HSD17B12: variants seen among roughly 807,000 people sequenced by gnomAD.
HSD17B12 encodes very-long-chain 3-oxoacyl-CoA reductase.
In HSD17B12, 32 loss-of-function variants were observed where a neutral mutation model predicts 39.3. That is an observed-to-expected ratio of 0.81 (90% CI 0.61 to 1.09). HSD17B12 has a LOEUF of 1.09. Among genes scored for constraint, HSD17B12 ranks in the 50% least tolerant of loss-of-function variants. The pLI, the probability that HSD17B12 is intolerant of heterozygous loss-of-function variation, is 0.00. For synonymous variants in HSD17B12, 150 were observed against 146.7 expected (o/e 1.02, Z -0.16); for missense variants, 342 against 382.9 (o/e 0.89, Z 0.89).
chr11:43,693,402 A>G (rs1464312348), intron 1 of HSD17B12, among the ~76,000 whole-genome samples: 1 of 152,220 alleles, frequency 6.6e-6, no homozygotes, highest in East Asian at 1.9e-4. Context: ...CTCTCTATAC[A>G]AGAGCCTAAA....
intron 3 of HSD17B12, among the ~76,000 whole-genome samples, chr11:43,766,521 A>G (rs538731141): frequency 7.9e-5 from 12 of 152,326 alleles, no homozygotes; most frequent in Admixed American, 5.2e-4. Context: ...CATGGCCAGA[A>G]GCAGAAGTCC....
chr11:43,623,969 G>A, the HSD17B12 span, among the ~76,000 whole-genome samples: 1 of 151,908 alleles, frequency 6.6e-6, no homozygotes, highest in Non-Finnish European at 1.5e-5. Context: ...AAAAACGATA[G>A]TCCTTCCAAG....
At chr11:43,804,986 G>A (rs1394827857) in intron 4 of HSD17B12, among the ~76,000 whole-genome samples, 2 of 152,140 alleles carry the variant, frequency 1.3e-5, no homozygotes, top group African/African-American at 4.8e-5. Flanking sequence ...GAGAAGCAAA[G>A]GAAGAGCAAT....
In HSD17B12 at chr11:43,734,113, C is replaced by T. The variant is rs544944359; in HGVS notation, c.161-16798C>T. On this transcript the variant is annotated intron_variant, in intron 1 of 10. Coordinates refer to ENST00000278353, the MANE Select transcript of HSD17B12 (RefSeq NM_016142.3). ...GAGGACTATGATGAGCGTGTGCTGC[C>T]GTCCATCACTACCAAATCAAGTCAG... The T allele has an allele frequency of 2.0e-5, 25 of 1,248,714 alleles. No homozygotes were observed. The South Asian group carries it at 2.7e-4, about 13-fold the overall frequency. 77.4% of individuals were successfully genotyped at this position (1,248,714 alleles called of 1,614,324 possible).
At chr11:43,839,334 G>GACCCTTC (rs1443203870) in intron 8 of HSD17B12, among the ~76,000 whole-genome samples, 2 of 152,094 alleles carry the variant, frequency 1.3e-5, no homozygotes, top group Non-Finnish European at 2.9e-5. Context: ...CATGTTTCTT[G>GACCCTTC]AAGGGATTCG....
chr11:43,626,996 G>C, the HSD17B12 span, among the ~76,000 whole-genome samples: 1 of 151,938 alleles, frequency 6.6e-6, no homozygotes, highest in Non-Finnish European at 1.5e-5. Context: ...GGTGCTGAAG[G>C]GTTACATGAC....
the HSD17B12 span, among the ~76,000 whole-genome samples, chr11:43,599,329 C>T: frequency 1.2e-4 from 18 of 152,286 alleles, no homozygotes; most frequent in Admixed American, 2.6e-4. Context: ...ACCCTTAGGA[C>T]TTAATCTCTC....
chr11:43,572,248 G>C, the HSD17B12 span, among the ~76,000 whole-genome samples: 3 of 152,188 alleles, frequency 2.0e-5, no homozygotes, highest in African/African-American at 7.2e-5. Context: ...TTTGGATGAG[G>C]CTAAACCAGC....
At chr11:43,694,191 C>T (rs971638884) in intron 1 of HSD17B12, among the ~76,000 whole-genome samples, 5 of 152,000 alleles carry the variant, frequency 3.3e-5, no homozygotes, top group Non-Finnish European at 5.9e-5. Context: ...TTGTTATTTC[C>T]ATGTAATATA....
In HSD17B12 at chr11:43,798,339, G is replaced by A; in HGVS notation, c.303G>A (p.Glu101=). ...CCCTAGAAGAAAAATTCAAAGTGGA[G>A]ACAAGAACCATTGCTGTTGACTTTG... ...SSEIKEKFKV[E]TRTIAVDFAS... Residue 101 remains glutamate, a synonymous_variant, in exon 4 of 11, where the codon GAG becomes GAA. Coordinates refer to ENST00000278353, the MANE Select transcript of HSD17B12 (RefSeq NM_016142.3). 1 of 1,610,414 alleles carries A rather than the reference G, an allele frequency of 6.2e-7. No individual in the cohort carries two copies.
chr11:43,737,045 A>G (rs1406968102), intron 1 of HSD17B12, among the ~76,000 whole-genome samples: 1 of 152,152 alleles, frequency 6.6e-6, no homozygotes, highest in African/African-American at 2.4e-5. Flanking sequence ...GGCAGCTGTC[A>G]TGGTTTGCGG....
At chr11:43,737,812 G>A (rs373581371) in intron 1 of HSD17B12, among the ~76,000 whole-genome samples, 3 of 152,168 alleles carry the variant, frequency 2.0e-5, no homozygotes, top group Non-Finnish European at 4.4e-5. Flanking sequence ...AGTGGCTCAC[G>A]CCTGTAATCC....
At chr11:43,575,256 G>C in the HSD17B12 span, among the ~76,000 whole-genome samples, 45 of 152,378 alleles carry the variant, frequency 3.0e-4, no homozygotes, top group African/African-American at 1.0e-3. The surrounding 1 kb of genome is among the most constrained non-coding windows in gnomAD (Gnocchi z 4.1). Flanking sequence ...GGCAGGATGC[G>C]TGGGCGCAGG....
At chr11:43,722,894 A>T (rs1008266417) in intron 1 of HSD17B12, among the ~76,000 whole-genome samples, 1 of 152,134 alleles carries the variant, frequency 6.6e-6, no homozygotes, top group African/African-American at 2.4e-5. Context: ...ATGGGAAGTC[A>T]CTGAAGGAAT....
At chr11:43,618,099 T>C in the HSD17B12 span, among the ~76,000 whole-genome samples, 1 of 152,322 alleles carries the variant, frequency 6.6e-6, no homozygotes, top group Non-Finnish European at 1.5e-5. Flanking sequence ...CTTTTTTCTC[T>C]GGTCACCACA....
chr11:43,690,846 G>T (rs1427739663), intron 1 of HSD17B12, among the ~76,000 whole-genome samples: 10 of 152,014 alleles, frequency 6.6e-5, no homozygotes, highest in Non-Finnish European at 4.4e-5. Flanking sequence ...CTGATTAAAT[G>T]GGGCTAACTG....
At chr11:43,823,414 G>A (rs955623191) in intron 6 of HSD17B12, among the ~76,000 whole-genome samples, 1 of 152,054 alleles carries the variant, frequency 6.6e-6, no homozygotes, top group South Asian at 2.1e-4. Flanking sequence ...AGGACTACAG[G>A]CATGCACCAC....
chr11:43,835,384 A>G (rs1210100897), intron 7 of HSD17B12, among the ~76,000 whole-genome samples: 1 of 152,172 alleles, frequency 6.6e-6, no homozygotes, highest in African/African-American at 2.4e-5. Context: ...CCGTTTCTAC[A>G]TAGAGAACAG....
At chr11:43,595,333 T>C in the HSD17B12 span, among the ~76,000 whole-genome samples, 11 of 152,258 alleles carry the variant, frequency 7.2e-5, no homozygotes, top group African/African-American at 2.7e-4. Context: ...GGAAAGGGTT[T>C]AGCCCAGTCT....
Sources: gnomAD v4.1 joint callset for allele counts (sites outside exome capture counted in the v4.1 genomes callset) on GRCh38, gnomAD v4.1.1 for gene constraint, Gnocchi (gnomAD v3.1) non-coding constraint, MANE v1.5 for transcripts, NCBI Gene and HGNC (gene_info 2026-07-23, HGNC 2026-07-21) for gene names.